Variants in ERICH3 observed in about 807,000 individuals in gnomAD.
ERICH3 encodes the protein glutamate rich 3, also known as glutamate-rich protein 3.
Under a neutral mutation model 131.1 loss-of-function variants are expected in ERICH3, and 126 were observed. That is an observed-to-expected ratio of 0.96 (90% confidence interval 0.83 to 1.11). The LOEUF (loss-of-function observed/expected upper bound fraction) is 1.11. Ranked by LOEUF, ERICH3 falls within the 50% of genes most tolerant of loss-of-function variation. The pLI is 0.00. For synonymous variants in ERICH3, 695 were observed against 644.6 expected, an observed-to-expected ratio of 1.08 and a Z score of -1.18; for missense variants, 2,050 against 1,810.7, an observed-to-expected ratio of 1.13 and a Z score of -2.40.
At chr1:74,638,956 C>A (rs1010186965) in intron 5 of ERICH3, among the ~76,000 whole-genome samples, 1 of 152,142 alleles carries the variant, frequency 6.6e-6, no homozygotes, top group Non-Finnish European at 1.5e-5. Context: ...GGGAGGAGAC[C>A]CTTTTGTTTA....
At chr1:74,659,801 T>C (rs572252323) in intron 1 of ERICH3, among the ~76,000 whole-genome samples, 4 of 152,186 alleles carry the variant, frequency 2.6e-5, no homozygotes, top group Non-Finnish European at 5.9e-5. Context: ...GGGTCCTAAA[T>C]GACAAGTCAA....
intron 2 of ERICH3, among the ~76,000 whole-genome samples, chr1:74,648,923 T>C (rs1646508401): frequency 6.6e-6 from 1 of 152,152 alleles, no homozygotes; most frequent in Non-Finnish European, 1.5e-5. Context: ...TTCTACCTCA[T>C]ACAATGTGTT....
At chr1:74,660,385 T>C (rs942771034) in intron 1 of ERICH3, among the ~76,000 whole-genome samples, 4 of 151,804 alleles carry the variant, frequency 2.6e-5, no homozygotes, top group African/African-American at 9.7e-5. Context: ...TATTAAACTG[T>C]AAATTGTTGA....
At chr1:74,618,222 G>T (rs1649064727) in intron 8 of ERICH3, among the ~76,000 whole-genome samples, 1 of 152,132 alleles carries the variant, frequency 6.6e-6, no homozygotes. Flanking sequence ...CTTCAGTTTT[G>T]AGTGCTGACT....
At chr1:74,604,042 T>C (rs1294681299) in intron 10 of ERICH3, among the ~76,000 whole-genome samples, 1 of 151,940 alleles carries the variant, frequency 6.6e-6, no homozygotes, top group Non-Finnish European at 1.5e-5. Flanking sequence ...TCTTTTAAAA[T>C]TGGGCTCAAT....
Position 74,598,322 on chromosome 1 carries a change from A to T in ERICH3, c.1726+1373T>A, listed in dbSNP as rs1413890844. Among the ~76,000 whole-genome samples the T allele has an allele frequency of 9.2e-5, 14 of 152,036 alleles. No individual in the cohort carries two copies. In the East Asian group the frequency reaches 2.7e-3, roughly 30 times the overall value. ...TTGTTTAAAAAAACTCATAAATTTC[A>T]TAGGGATTAAGTATCTGAATTAAAA... On this transcript the variant is annotated intron_variant, in intron 11 of 14. Transcript: ENST00000326665.
intron 10 of ERICH3, among the ~76,000 whole-genome samples, chr1:74,602,796 T>G (rs1180230437): frequency 6.6e-6 from 1 of 151,902 alleles, no homozygotes; most frequent in Non-Finnish European, 1.5e-5. Context: ...ATGACTTTCA[T>G]AAACCACCAT....
intron 4 of ERICH3, among the ~76,000 whole-genome samples, chr1:74,641,977 C>A (rs140376511): frequency 3.2e-3 from 486 of 152,224 alleles, no homozygotes; most frequent in African/African-American, 0.011. Flanking sequence ...GTCTGGCTAC[C>A]TGGGCAAGGG....
chr1:74,668,691 A>G (rs1557707613), intron 1 of ERICH3, among the ~76,000 whole-genome samples: 2 of 152,168 alleles, frequency 1.3e-5, no homozygotes, highest in Non-Finnish European at 2.9e-5. Flanking sequence ...ACATATACAT[A>G]TATATATTTA....
chr1:74,668,924 C>T (rs1269356038), intron 1 of ERICH3, among the ~76,000 whole-genome samples: 1 of 152,118 alleles, frequency 6.6e-6, no homozygotes, highest in Admixed American at 6.5e-5. Context: ...GGGTAACAAA[C>T]AGACTAGAAT....
At chr1:74,589,363 T>C in intron 12 of ERICH3, 1 of 543,114 alleles carries the variant, frequency 1.8e-6, no homozygotes, top group Non-Finnish European at 3.2e-6. Context: ...ATTTCATTCC[T>C]GAGATGGAAT....
At chr1:74,638,464 G>T (rs1422615708) in intron 5 of ERICH3, among the ~76,000 whole-genome samples, 1 of 152,182 alleles carries the variant, frequency 6.6e-6, no homozygotes, top group African/African-American at 2.4e-5. Context: ...GAAGCAGTTA[G>T]ATTTTATCCC....
chr1:74,642,746 T>A (rs377032008), intron 4 of ERICH3, among the ~76,000 whole-genome samples: 1 of 152,098 alleles, frequency 6.6e-6, no homozygotes, highest in African/African-American at 2.4e-5. Context: ...TTGGCCTCTA[T>A]CACAAGAATA....
chr1:74,657,006 G>A (rs1312006330), intron 1 of ERICH3, among the ~76,000 whole-genome samples: 3 of 152,180 alleles, frequency 2.0e-5, no homozygotes, highest in Non-Finnish European at 2.9e-5. Flanking sequence ...TGTTGAGTAA[G>A]TGTACAAATC....
intron 12 of ERICH3, among the ~76,000 whole-genome samples, chr1:74,581,855 A>T (rs1328558200): frequency 1.3e-5 from 2 of 152,178 alleles, no homozygotes; most frequent in Non-Finnish European, 2.9e-5. Context: ...TTCCTCAAAA[A>T]CGTTAAGCTG....
chr1:74,577,831 C>T (rs1217424187), intron 12 of ERICH3, among the ~76,000 whole-genome samples: 1 of 152,132 alleles, frequency 6.6e-6, no homozygotes, highest in African/African-American at 2.4e-5. Context: ...GGAACGTGTG[C>T]TATGGCTTTT....
chr1:74,618,121 C>G (rs1389081921), intron 8 of ERICH3, among the ~76,000 whole-genome samples: 1 of 152,056 alleles, frequency 6.6e-6, no homozygotes, highest in African/African-American at 2.4e-5. Context: ...ATGATTGTGG[C>G]ACTGCACTCT....
At chr1:74,626,280 G>A (rs933208263) in intron 7 of ERICH3, among the ~76,000 whole-genome samples, 2 of 152,124 alleles carry the variant, frequency 1.3e-5, no homozygotes, top group African/African-American at 4.8e-5. Flanking sequence ...ACAAAAGTTT[G>A]TGCTTTAAAA....
intron 12 of ERICH3, among the ~76,000 whole-genome samples, chr1:74,580,759 T>A (rs1359302687): frequency 2.6e-5 from 4 of 152,184 alleles, no homozygotes; most frequent in Non-Finnish European, 5.9e-5. Context: ...ATTACAGACA[T>A]CAATCATTTT....
Sources: allele counts gnomAD v4.1 joint callset (sites outside exome capture counted in the v4.1 genomes callset), GRCh38; gene constraint gnomAD v4.1.1; transcripts MANE v1.5; gene names NCBI Gene and HGNC (gene_info 2026-07-23, HGNC 2026-07-21).